ANK1: variants seen among roughly 807,000 people sequenced by gnomAD.
ANK1 encodes the protein ankyrin-1.
In ANK1, 51 loss-of-function variants were observed where a neutral mutation model predicts 210.4. The observed-to-expected ratio is 0.24, with a 90% CI of 0.19 to 0.31. The LOEUF (loss-of-function observed/expected upper bound fraction) is 0.31. Among genes scored for constraint, ANK1 ranks in the 10% least tolerant of loss-of-function variants. ANK1 has a pLI of 1.00. For missense variants in ANK1, 2,051 were observed against 2,504.4 expected, an observed-to-expected ratio of 0.82 and a Z score of 3.86; for synonymous variants, 967 against 1,025.9, an observed-to-expected ratio of 0.94 and a Z score of 1.10.
At chr8:41,795,267 C>G (rs1370023883) in intron 1 of ANK1, among the ~76,000 whole-genome samples, 1 of 152,016 alleles carries the variant, frequency 6.6e-6, no homozygotes, top group Non-Finnish European at 1.5e-5. Flanking sequence ...AATGCCGGCA[C>G]TTTGGGAGGC....
intron 37 of ANK1, among the ~76,000 whole-genome samples, chr8:41,678,734 T>C (rs1815001726): frequency 6.6e-6 from 1 of 152,272 alleles, no homozygotes; most frequent in Non-Finnish European, 1.5e-5. Context: ...TTTGAATACC[T>C]GAAATACAGT....
At chr8:41,715,958 C>T (rs1827558177) in intron 13 of ANK1, 109 bp from the exon 14 acceptor site, 1 of 1,225,886 alleles carries the variant, frequency 8.2e-7, no homozygotes. Flanking sequence ...GTGACCTTCT[C>T]AAGGTCACAC....
chr8:41,717,801 C>T, intron 11 of ANK1, 99 bp from the exon 12 acceptor site: 2 of 1,189,864 alleles, frequency 1.7e-6, no homozygotes, highest in Non-Finnish European at 2.4e-6. Flanking sequence ...AAATGATTTT[C>T]CAAGAAAAGG....
At position 41,704,304 on chromosome 8, in the gene ANK1, G is replaced by C. The variant is rs1396378436; in HGVS notation, c.2196+70C>G. 6.7e-7 allele frequency: 1 copy of C among 1,500,414 alleles called. No homozygotes were observed. The highest frequency in any genetic ancestry group is 1.7e-5 in the Admixed American group (1 of 59,564). The allele number at this position is 1,500,414 out of a possible 1,614,324, so 92.9% of individuals were successfully genotyped here. On this transcript the variant is annotated intron_variant, in intron 19 of 42. Transcript: ENST00000289734. This position sits in a 1 kb window ranked among gnomAD's most constrained non-coding sequence, Gnocchi z 4.1. ...TCAAAACCCTAGTGCTCCCAGAGCAGCTCTGGCTTTACCCTGATGTGGCAT... is the reference window on the plus strand; with the variant it reads ...TCAAAACCCTAGTGCTCCCAGAGCACCTCTGGCTTTACCCTGATGTGGCAT...
chr8:41,789,589 C>T (rs1378341202), intron 1 of ANK1, among the ~76,000 whole-genome samples: 2 of 152,236 alleles, frequency 1.3e-5, no homozygotes, highest in African/African-American at 2.4e-5. Flanking sequence ...GACGAGTTCA[C>T]CTGCACCAGG....
chr8:41,788,935 C>T (rs1847031022), intron 1 of ANK1: 1 of 152,268 alleles, frequency 6.6e-6, no homozygotes, highest in African/African-American at 2.4e-5. Context: ...CCCACCTGTC[C>T]CTCAACACTG....
At chr8:41,830,500 T>A (rs16890865) in intron 1 of ANK1, among the ~76,000 whole-genome samples, 5,754 of 152,100 alleles carry the variant, frequency 0.038, 179 homozygotes, top group African/African-American at 0.088. Context: ...TACATAACAA[T>A]GACAGCATGA....
chr8:41,773,719 A>G (rs1017591623), intron 1 of ANK1, among the ~76,000 whole-genome samples: 1 of 151,816 alleles, frequency 6.6e-6, no homozygotes, highest in African/African-American at 2.4e-5. Context: ...ATGTTCTGGA[A>G]CCCCCGCTCC....
chr8:41,709,402 G>A (rs117973674), intron 16 of ANK1, among the ~76,000 whole-genome samples: 12 of 152,326 alleles, frequency 7.9e-5, no homozygotes, highest in South Asian at 2.1e-4. Context: ...GGGCCTTGCC[G>A]GCATTAGGCA....
chr8:41,666,946 ATC>A (rs1810745231), intron 39 of ANK1, among the ~76,000 whole-genome samples: 2 of 152,130 alleles, frequency 1.3e-5, no homozygotes, highest in African/African-American at 4.8e-5. Context: ...TGGATGTGTG[ATC>A]TAGAAGGCCC....
chr8:41,737,067 A>G (rs1833618988), intron 2 of ANK1, among the ~76,000 whole-genome samples: 1 of 152,208 alleles, frequency 6.6e-6, no homozygotes, highest in Non-Finnish European at 1.5e-5. Context: ...TGGGAACTGA[A>G]GCAGCCGGAT....
intron 1 of ANK1, among the ~76,000 whole-genome samples, chr8:41,876,917 G>A (rs1487836269): frequency 6.6e-6 from 1 of 152,114 alleles, no homozygotes; most frequent in Non-Finnish European, 1.5e-5. Context: ...AGCCAAAAGG[G>A]ATTTCATGGA....
At chr8:41,707,944 ACGT>A (rs1469842280) in intron 17 of ANK1, among the ~76,000 whole-genome samples, 1 of 152,212 alleles carries the variant, frequency 6.6e-6, no homozygotes, top group African/African-American at 2.4e-5. Context: ...GCATGGTTCC[ACGT>A]ATATGAAATG....
chr8:41,749,069 G>A (rs945449095), intron 2 of ANK1, among the ~76,000 whole-genome samples: 30 of 151,748 alleles, frequency 2.0e-4, no homozygotes, highest in Admixed American at 5.3e-4. Flanking sequence ...ATGATTACAC[G>A]GACAAAAACA....
intron 1 of ANK1, among the ~76,000 whole-genome samples, chr8:41,854,285 T>C (rs1289185775): frequency 6.6e-6 from 1 of 152,182 alleles, no homozygotes; most frequent in East Asian, 1.9e-4. Flanking sequence ...AGCACTCAGC[T>C]TATGTAACTG....
intron 1 of ANK1, among the ~76,000 whole-genome samples, chr8:41,842,983 A>G (rs1809281757): frequency 6.6e-6 from 1 of 151,988 alleles, no homozygotes; most frequent in African/African-American, 2.4e-5. Context: ...AGTAGCTGGG[A>G]TTAAAGGTGT....
chr8:41,679,856 G>A lies in ANK1; in HGVS notation c.4537+4688C>T, dbSNP rs190245859. On this transcript the variant is annotated intron_variant, in intron 37 of 42. Transcript: ENST00000289734. ...TGGGATTACAAGCGTGAGCCACCGC[G>A]CCCGGCCTTCCTGGACTTTCAAAAT... is the stretch of plus-strand genomic sequence containing the variant. 2.6e-3 allele frequency among the ~76,000 whole-genome samples: 398 copies of A among 152,092 alleles called. 1 individual carries two copies. The highest frequency in any genetic ancestry group is 2.8e-3 in the Non-Finnish European group (187 of 67,986).
rs1585709332 is a variant in ANK1 at position 41,653,637 on chromosome 8, G to A, written c.*2153C>T. The A allele has an allele frequency of 2.0e-5, 3 of 152,682 alleles. No homozygotes were observed. Among genetic ancestry groups the A allele is most frequent in the Non-Finnish European group, 4.4e-5 (3 of 68,172 alleles). The allele number at this position is 152,682 out of a possible 1,614,324, so 9.5% of individuals were successfully genotyped here. A position where few individuals can be genotyped will look rare whatever the true frequency, so the allele number is the denominator to read the frequency against. ...GATCGAGGCGGGAGAGGCGAGCCCT[G>A]AGCCCAGCTTCCTTGGGCCGTCACC... On this transcript the variant is annotated 3_prime_UTR_variant, in exon 43 of 43. Transcript: ENST00000289734.
intron 1 of ANK1, among the ~76,000 whole-genome samples, chr8:41,879,457 C>T (rs1214730346): frequency 1.3e-5 from 2 of 152,188 alleles, no homozygotes; most frequent in Admixed American, 1.3e-4. Context: ...TCAAACAAAA[C>T]ATCTAATTTT....
Sources: gnomAD v4.1 joint callset for allele counts (sites outside exome capture counted in the v4.1 genomes callset) on GRCh38, gnomAD v4.1.1 for gene constraint, Gnocchi (gnomAD v3.1) non-coding constraint, MANE v1.5 for transcripts, NCBI Gene and HGNC (gene_info 2026-07-23, HGNC 2026-07-21) for gene names.